The following SULF1 variants were observed in gnomAD, a reference collection of about 807,000 sequenced individuals.
SULF1 encodes extracellular sulfatase Sulf-1.
SULF1 carries 46 observed loss-of-function variants against 110.5 expected under a neutral mutation model. The ratio of observed to expected loss-of-function variants is 0.42; its 90% CI spans 0.33 to 0.53. The LOEUF is 0.53. SULF1 is among the 20% of genes least tolerant of loss of function. The pLI, the probability that SULF1 is intolerant of heterozygous loss-of-function variation, is 0.12. For missense variants in SULF1, 941 were observed against 1,094.2 expected (o/e 0.86, Z 1.98); for synonymous variants, 371 against 387.1 (o/e 0.96, Z 0.49).
chr8:69,608,020 T>C (rs1405126364), intron 13 of SULF1, among the ~76,000 whole-genome samples: 18 of 152,128 alleles, frequency 1.2e-4, no homozygotes, highest in Admixed American at 1.2e-3. Context: ...ATCCCAGAGA[T>C]AGTGAATGCC....
chr8:69,484,704 C>G (rs1478620665), intron 1 of SULF1, among the ~76,000 whole-genome samples: 2 of 152,138 alleles, frequency 1.3e-5, no homozygotes, highest in African/African-American at 4.8e-5. Flanking sequence ...GTCTGCATTT[C>G]ATTATTTTCC....
rs76943870 is a variant in SULF1 at position 69,537,321 on chromosome 8, T to C, written c.-133-26218T>C. Among the ~76,000 whole-genome samples the C allele has an allele frequency of 3.4e-3, 516 of 152,288 alleles. 4 individuals are homozygous for C. The highest frequency in any genetic ancestry group is 0.012 in the African/African-American group (479 of 41,562). On this transcript the variant is annotated intron_variant, in intron 3 of 22. Transcript: ENST00000402687. ...GAATGCCAGGACCCTGGCTGAAAGG[T>C]GCTTCTCATCCCCAAGGTATCAGGC... is the stretch of plus-strand genomic sequence containing the variant.
chr8:69,570,573 A>T (rs1351058271), intron 5 of SULF1, among the ~76,000 whole-genome samples: 4 of 152,118 alleles, frequency 2.6e-5, no homozygotes, highest in African/African-American at 7.2e-5. Flanking sequence ...GTATGAAATG[A>T]TTTTGGGAAT....
intron 19 of SULF1, among the ~76,000 whole-genome samples, chr8:69,633,728 A>C (rs1028911795): frequency 7.2e-5 from 11 of 152,060 alleles, no homozygotes; most frequent in Admixed American, 2.0e-4. Context: ...GTTTTGTTAC[A>C]TAGGAATACA....
intron 3 of SULF1, among the ~76,000 whole-genome samples, chr8:69,560,690 T>C (rs1401978087): frequency 2.6e-5 from 4 of 152,264 alleles, no homozygotes; most frequent in Admixed American, 1.3e-4. Flanking sequence ...GTCTCTTCTG[T>C]CAAGCTCCGC....
chr8:69,571,704 C>T (rs563620847), intron 5 of SULF1, among the ~76,000 whole-genome samples: 120 of 152,296 alleles, frequency 7.9e-4, no homozygotes, highest in Admixed American at 1.2e-3. Context: ...CCACTGCTCT[C>T]AACAGCTGTG....
chr8:69,471,544 T>A (rs933291476), intron 1 of SULF1, among the ~76,000 whole-genome samples: 4 of 152,206 alleles, frequency 2.6e-5, no homozygotes, highest in African/African-American at 9.7e-5. Context: ...TTAACTGTAG[T>A]AGAAATTACA....
Position 69,549,352 on chromosome 8 carries a change from G to A in SULF1, c.-133-14187G>A, listed in dbSNP as rs1235045828. ...ACTTTTAAATAGTTCAAGTAAGGCAGCATGGAAATTCATGTATCTAGAGAC... is the reference window on the plus strand; with the variant it reads ...ACTTTTAAATAGTTCAAGTAAGGCAACATGGAAATTCATGTATCTAGAGAC... On this transcript the variant is annotated intron_variant, in intron 3 of 22. Transcript: ENST00000402687. 2.0e-5 allele frequency among the ~76,000 whole-genome samples: 3 copies of A among 152,186 alleles called. No homozygotes were observed. In the East Asian group the frequency reaches 5.8e-4, roughly 29 times the overall value.
chr8:69,568,675 G>C (rs774587061), intron 5 of SULF1, among the ~76,000 whole-genome samples: 6 of 152,170 alleles, frequency 3.9e-5, no homozygotes, highest in Non-Finnish European at 7.4e-5. Flanking sequence ...AACTTAAGAA[G>C]TTGTTCACGT....
chr8:69,538,084 C>A (rs1813561810), intron 3 of SULF1, among the ~76,000 whole-genome samples: 2 of 152,074 alleles, frequency 1.3e-5, no homozygotes, highest in South Asian at 4.1e-4. Flanking sequence ...GCCTCAGCCT[C>A]CCGCGTAGCT....
At chr8:69,533,265 C>T (rs1813223513) in intron 3 of SULF1, among the ~76,000 whole-genome samples, 1 of 152,108 alleles carries the variant, frequency 6.6e-6, no homozygotes, top group South Asian at 2.1e-4. Flanking sequence ...ATTTTAAGTT[C>T]CAGGGTACAT....
At chr8:69,470,290 C>T (rs1267626111) in intron 1 of SULF1, among the ~76,000 whole-genome samples, 1 of 152,000 alleles carries the variant, frequency 6.6e-6, no homozygotes, top group African/African-American at 2.4e-5. Flanking sequence ...GAAGGAGGCT[C>T]ATGTATGAAA....
At chr8:69,552,822 A>T (rs2150696377) in intron 3 of SULF1, among the ~76,000 whole-genome samples, 1 of 152,374 alleles carries the variant, frequency 6.6e-6, no homozygotes, top group East Asian at 1.9e-4. Flanking sequence ...ATGTAAAAAA[A>T]TGTAGAATTA....
At chr8:69,546,673 T>C (rs1814279705) in intron 3 of SULF1, among the ~76,000 whole-genome samples, 1 of 152,248 alleles carries the variant, frequency 6.6e-6, no homozygotes, top group Non-Finnish European at 1.5e-5. Flanking sequence ...AATCCTTGAG[T>C]GATTTACTCT....
At chr8:69,644,138 C>T (rs570932987) in intron 22 of SULF1, among the ~76,000 whole-genome samples, 1 of 152,330 alleles carries the variant, frequency 6.6e-6, no homozygotes, top group South Asian at 2.1e-4. Flanking sequence ...ATTGCTTTCA[C>T]TGATTTTGAC....
intron 19 of SULF1, among the ~76,000 whole-genome samples, chr8:69,635,594 G>A (rs75667548): frequency 0.021 from 3,254 of 152,260 alleles, 115 homozygotes; most frequent in African/African-American, 0.075. Context: ...ACTCTTGCCC[G>A]GGTGTGGTGG....
intron 5 of SULF1, among the ~76,000 whole-genome samples, chr8:69,571,847 G>C (rs976352366): frequency 6.6e-6 from 1 of 152,188 alleles, no homozygotes; most frequent in Non-Finnish European, 1.5e-5. Context: ...TCATTGCACA[G>C]CCATTAAAAG....
chr8:69,492,148 A>G (rs1344543949), upstream of SULF1, among the ~76,000 whole-genome samples: 1 of 152,084 alleles, frequency 6.6e-6, no homozygotes, highest in Non-Finnish European at 1.5e-5. Flanking sequence ...GTTGGGAAGC[A>G]GTGGCAGGCG....
At chr8:69,615,855 C>T (rs1809062325) in intron 13 of SULF1, among the ~76,000 whole-genome samples, 1 of 152,078 alleles carries the variant, frequency 6.6e-6, no homozygotes. Context: ...TTGTGTTCTA[C>T]AGGAATCTAC....
Sources: allele counts gnomAD v4.1 joint callset (sites outside exome capture counted in the v4.1 genomes callset), GRCh38; gene constraint gnomAD v4.1.1; transcripts MANE v1.5; gene names NCBI Gene and HGNC (gene_info 2026-07-23, HGNC 2026-07-21).